Variants in LRRC4C observed in about 807,000 individuals in gnomAD.
LRRC4C encodes leucine rich repeat containing 4C, also known as leucine-rich repeat-containing protein 4C.
A neutral mutation model predicts 33.6 loss-of-function variants in LRRC4C; 5 were observed. The ratio of observed to expected loss-of-function variants is 0.15; its 90% CI spans 0.08 to 0.31. The LOEUF (loss-of-function observed/expected upper bound fraction) is 0.31. LRRC4C is among the 10% of genes least tolerant of loss of function. The probability of loss-of-function intolerance (pLI) is 1.00; values close to 1 mark genes in which losing one functional copy is unlikely to be tolerated. For synonymous variants in LRRC4C, 329 were observed against 302.0 expected (o/e 1.09, Z -0.93); for missense variants, 560 against 796.7 (o/e 0.70, Z 3.58).
intron 2 of LRRC4C, among the ~76,000 whole-genome samples, chr11:40,804,264 T>C (rs573213954): frequency 6.6e-6 from 1 of 152,292 alleles, no homozygotes; most frequent in Non-Finnish European, 1.5e-5. Flanking sequence ...ATTTGATAGC[T>C]GTATCTATAT....
intron 3 of LRRC4C, among the ~76,000 whole-genome samples, chr11:40,490,088 G>T (rs1023184885): frequency 6.6e-6 from 1 of 152,028 alleles, no homozygotes; most frequent in Non-Finnish European, 1.5e-5. Context: ...AACAATGCCT[G>T]CCATATAGTG....
At chr11:40,612,520 A>C (rs1159517974) in intron 3 of LRRC4C, among the ~76,000 whole-genome samples, 4 of 151,978 alleles carry the variant, frequency 2.6e-5, no homozygotes, top group Non-Finnish European at 5.9e-5. Flanking sequence ...AACAGTTAAG[A>C]GAGCAGATTT....
At chr11:40,887,633 C>A (rs1382433769) in intron 2 of LRRC4C, among the ~76,000 whole-genome samples, 1 of 151,886 alleles carries the variant, frequency 6.6e-6, no homozygotes, top group Non-Finnish European at 1.5e-5. Flanking sequence ...GAATACATTG[C>A]CAAGGTTCTA....
chr11:40,554,403 A>C (rs1957248845), intron 3 of LRRC4C, among the ~76,000 whole-genome samples: 1 of 152,154 alleles, frequency 6.6e-6, no homozygotes, highest in Non-Finnish European at 1.5e-5. Context: ...TAATGTATTT[A>C]GCTTTTTTCT....
chr11:41,223,108 T>A (rs540632753), intron 1 of LRRC4C: 1 of 152,288 alleles, frequency 6.6e-6, no homozygotes, highest in South Asian at 2.1e-4. Flanking sequence ...ATTTATTATT[T>A]AATTCAAGGG....
At chr11:40,517,329 G>T (rs1955603774) in intron 3 of LRRC4C, among the ~76,000 whole-genome samples, 1 of 152,086 alleles carries the variant, frequency 6.6e-6, no homozygotes, top group South Asian at 2.1e-4. Flanking sequence ...GTCCTGTTTG[G>T]CAACATTACT....
chr11:41,349,807 T>C (rs1951916402), intron 1 of LRRC4C, among the ~76,000 whole-genome samples: 1 of 152,114 alleles, frequency 6.6e-6, no homozygotes, highest in African/African-American at 2.4e-5. Flanking sequence ...GCAATGATTC[T>C]TTTTTTTCTT....
chr11:41,299,854 G>T (rs1458408165), intron 1 of LRRC4C, among the ~76,000 whole-genome samples: 2 of 151,944 alleles, frequency 1.3e-5, no homozygotes, highest in East Asian at 3.8e-4. Flanking sequence ...AGAGGCTATT[G>T]TCTAGAAGGG....
intron 2 of LRRC4C, among the ~76,000 whole-genome samples, chr11:40,925,325 C>T (rs932469009): frequency 2.0e-5 from 3 of 152,182 alleles, no homozygotes; most frequent in African/African-American, 7.2e-5. Context: ...TGTCACACAT[C>T]ACTTCTGGCA....
intron 3 of LRRC4C, among the ~76,000 whole-genome samples, chr11:40,519,542 G>A (rs1414520631): frequency 1.3e-5 from 2 of 152,096 alleles, no homozygotes; most frequent in Admixed American, 6.6e-5. Flanking sequence ...AACTAGAAGC[G>A]AATTAGTACC....
intron 2 of LRRC4C, among the ~76,000 whole-genome samples, chr11:40,706,648 C>T (rs1237182703): frequency 6.6e-6 from 1 of 152,134 alleles, no homozygotes; most frequent in African/African-American, 2.4e-5. Context: ...TAGCCTGATG[C>T]CTCCAGCTTT....
chr11:41,308,893 C>G (rs541771632), intron 1 of LRRC4C, among the ~76,000 whole-genome samples: 1 of 152,082 alleles, frequency 6.6e-6, no homozygotes. Flanking sequence ...CAACCCCCAC[C>G]TCCCGGTATC....
intron 1 of LRRC4C, among the ~76,000 whole-genome samples, chr11:41,400,683 A>T (rs528388554): frequency 6.6e-6 from 1 of 152,034 alleles, no homozygotes; most frequent in South Asian, 2.1e-4. Context: ...ACAACATAGA[A>T]CATTCTAGAA....
intron 1 of LRRC4C, among the ~76,000 whole-genome samples, chr11:41,025,353 C>T (rs1856270246): frequency 6.6e-6 from 1 of 151,530 alleles, no homozygotes; most frequent in Non-Finnish European, 1.5e-5. Context: ...TAAAATGCCA[C>T]TCCAGTAAAG....
chr11:40,511,484 C>T (rs1365092727), intron 3 of LRRC4C, among the ~76,000 whole-genome samples: 4 of 152,152 alleles, frequency 2.6e-5, no homozygotes, highest in African/African-American at 2.4e-5. Flanking sequence ...CTACTAAATG[C>T]TTCCAGTTTG....
At chr11:40,829,774 A>G (rs899096278) in intron 2 of LRRC4C, among the ~76,000 whole-genome samples, 1 of 152,048 alleles carries the variant, frequency 6.6e-6, no homozygotes, top group African/African-American at 2.4e-5. Flanking sequence ...TCCATTATCT[A>G]TCAACCACTG....
intron 1 of LRRC4C, among the ~76,000 whole-genome samples, chr11:41,457,017 C>T (rs1423595160): frequency 2.0e-5 from 3 of 152,122 alleles, no homozygotes; most frequent in Non-Finnish European, 4.4e-5. Context: ...AATAAGTGAT[C>T]ATGAAAGTGT....
intron 1 of LRRC4C, among the ~76,000 whole-genome samples, chr11:41,344,223 T>TTC: frequency 7.6e-6 from 1 of 130,914 alleles, no homozygotes; most frequent in African/African-American, 2.7e-5. Flanking sequence ...CTGTGAAGCC[T>TTC]TTCTTTTTTT....
At chr11:40,847,768 G>C (rs533163242) in intron 2 of LRRC4C, among the ~76,000 whole-genome samples, 2 of 137,690 alleles carry the variant, frequency 1.5e-5, no homozygotes, top group South Asian at 2.4e-4. Context: ...CTGTAAATCC[G>C]TTTGGTCCTG....
Sources: gnomAD v4.1 joint callset for allele counts (sites outside exome capture counted in the v4.1 genomes callset) on GRCh38, gnomAD v4.1.1 for gene constraint, MANE v1.5 for transcripts, NCBI Gene and HGNC (gene_info 2026-07-23, HGNC 2026-07-21) for gene names.